CPA6: variants seen among roughly 807,000 people sequenced by gnomAD.
CPA6 encodes carboxypeptidase B.
CPA6 carries 58 observed loss-of-function variants against 63.3 expected under a neutral mutation model. That is an observed-to-expected ratio of 0.92 (90% CI 0.74 to 1.14). The LOEUF (loss-of-function observed/expected upper bound fraction) is 1.14. Ranked by LOEUF, CPA6 falls within the 50% of genes most tolerant of loss-of-function variation. The pLI is 0.00. For missense variants in CPA6, 565 were observed against 526.6 expected, an observed-to-expected ratio of 1.07 and a Z score of -0.71; for synonymous variants, 185 against 179.0, an observed-to-expected ratio of 1.03 and a Z score of -0.27.
At chr8:67,603,769 A>G (rs1814555192) in intron 2 of CPA6, among the ~76,000 whole-genome samples, 1 of 152,170 alleles carries the variant, frequency 6.6e-6, no homozygotes, top group Non-Finnish European at 1.5e-5. Context: ...GTGCTAGGTT[A>G]TTTCTAAAAC....
chr8:67,518,109 A>C, intron 2 of CPA6, 62 bp from the exon 3 acceptor site: 2 of 1,441,216 alleles, frequency 1.4e-6, no homozygotes, highest in Non-Finnish European at 1.8e-6. Context: ...TCTGTGTCAC[A>C]ATGTCAAACA....
chr8:67,661,437 T>C (rs950018112), intron 1 of CPA6, among the ~76,000 whole-genome samples: 2 of 152,030 alleles, frequency 1.3e-5, no homozygotes, highest in African/African-American at 4.8e-5. Flanking sequence ...GTGATCTGAG[T>C]GGAACAAAGG....
chr8:67,612,713 T>C (rs1460789612), intron 2 of CPA6, among the ~76,000 whole-genome samples: 1 of 152,212 alleles, frequency 6.6e-6, no homozygotes, highest in East Asian at 1.9e-4. Context: ...ACAGGAAACT[T>C]CTTTAATCAA....
chr8:67,526,089 G>A (rs36069899), intron 2 of CPA6, among the ~76,000 whole-genome samples: 26,646 of 152,094 alleles, frequency 0.18, 2,567 homozygotes, highest in Middle Eastern at 0.28. Context: ...CATGGGAAAC[G>A]ACAGGCAATC....
At chr8:67,620,653 C>T (rs539473960) in intron 2 of CPA6, among the ~76,000 whole-genome samples, 2 of 152,322 alleles carry the variant, frequency 1.3e-5, no homozygotes, top group African/African-American at 4.8e-5. Context: ...GCCAGAATTG[C>T]TGCTTTCCAT....
At chr8:67,681,431 G>A (rs1353117095) in intron 1 of CPA6, among the ~76,000 whole-genome samples, 2 of 150,908 alleles carry the variant, frequency 1.3e-5, no homozygotes, top group African/African-American at 4.9e-5. Context: ...GGATGGTCTC[G>A]ATCTCCTGAC....
intron 1 of CPA6, among the ~76,000 whole-genome samples, chr8:67,695,563 A>G (rs955440717): frequency 1.3e-5 from 2 of 152,226 alleles, no homozygotes; most frequent in Non-Finnish European, 2.9e-5. Flanking sequence ...GATATTCTAC[A>G]CAGCATTACT....
At chr8:67,620,511 T>G (rs2128986410) in intron 2 of CPA6, among the ~76,000 whole-genome samples, 1 of 152,306 alleles carries the variant, frequency 6.6e-6, no homozygotes, top group South Asian at 2.1e-4. Flanking sequence ...CCTTCTTCCC[T>G]TCTAGAGGCA....
chr8:67,476,397 G>A (rs1248236508), intron 8 of CPA6, among the ~76,000 whole-genome samples: 1 of 152,112 alleles, frequency 6.6e-6, no homozygotes, highest in African/African-American at 2.4e-5. Flanking sequence ...AGGTCTTCCT[G>A]GAGAATTCAT....
In CPA6 at chr8:67,536,275, A is replaced by C. The variant is rs146591186; in HGVS notation, c.193-18228T>G. ...GATGGGAATAGCATTGAATCTATAC[A>C]TTACTTCTGGAAGTATGGCTATTTT... is the stretch of plus-strand genomic sequence containing the variant. On this transcript the variant is annotated intron_variant, in intron 2 of 10. Transcript: ENST00000297770. Among the ~76,000 whole-genome samples the C allele has an allele frequency of 2.2e-3, 331 of 152,262 alleles. 1 individual carries two copies. Among genetic ancestry groups the C allele is most frequent in the African/African-American group, 7.8e-3 (325 of 41,554 alleles).
chr8:67,453,599 T>C (rs1810604865), intron 8 of CPA6, among the ~76,000 whole-genome samples: 1 of 152,092 alleles, frequency 6.6e-6, no homozygotes, highest in African/African-American at 2.4e-5. Context: ...TGAATGTAGA[T>C]AGAGAAGAGA....
chr8:67,607,473 T>G (rs1286794357), intron 2 of CPA6, among the ~76,000 whole-genome samples: 1 of 151,896 alleles, frequency 6.6e-6, no homozygotes, highest in Non-Finnish European at 1.5e-5. Context: ...TAGTCTTTTT[T>G]TGTGTGTGTT....
In CPA6 at chr8:67,528,774, A is replaced by G. The variant is rs573363402; in HGVS notation, c.193-10727T>C. ...TATTTTTGATCCACTGTCCAATAAA[A>G]CCACCGCCACTTGTTCATCCCACTT... On this transcript the variant is annotated intron_variant, in intron 2 of 10. Transcript: ENST00000297770. 2.0e-5 allele frequency among the ~76,000 whole-genome samples: 3 copies of G among 151,962 alleles called. No homozygotes were observed. The East Asian group carries it at 5.9e-4, about 30-fold the overall frequency.
rs577671948 is a variant in CPA6 at position 67,551,107 on chromosome 8, G to T, written c.193-33060C>A. Among the ~76,000 whole-genome samples the T allele has an allele frequency of 1.6e-4, 24 of 152,072 alleles. No individual in the cohort carries two copies. The South Asian group carries it at 5.0e-3, about 32-fold the overall frequency. ...GGCTTAGTCACAACTTCTTTCCTAA[G>T]GCTAATGTCTAGAATGGTGTTTCCT... On this transcript the variant is annotated intron_variant, in intron 2 of 10. Transcript: ENST00000297770.
chr8:67,667,429 T>C (rs1208623691), intron 1 of CPA6, among the ~76,000 whole-genome samples: 2 of 152,010 alleles, frequency 1.3e-5, no homozygotes, highest in Non-Finnish European at 1.5e-5. Context: ...GGCCTGGATG[T>C]CCTAACTCTC....
chr8:67,527,505 C>A (rs1213296157), intron 2 of CPA6, among the ~76,000 whole-genome samples: 1 of 152,154 alleles, frequency 6.6e-6, no homozygotes, highest in Non-Finnish European at 1.5e-5. Flanking sequence ...CCTTAATTTT[C>A]TTAATTACAA....
intron 1 of CPA6, among the ~76,000 whole-genome samples, chr8:67,729,501 TGAA>T (rs1817666126): frequency 6.6e-6 from 1 of 152,142 alleles, no homozygotes; most frequent in African/African-American, 2.4e-5. Flanking sequence ...AGATCGGACT[TGAA>T]GAATAAGATG....
chr8:67,510,244 T>C (rs1456109468), intron 4 of CPA6, among the ~76,000 whole-genome samples: 1 of 152,192 alleles, frequency 6.6e-6, no homozygotes, highest in South Asian at 2.1e-4. Context: ...GGTACTTCAT[T>C]CCTGACTTAA....
chr8:67,584,959 G>C (rs1204697319), intron 2 of CPA6, among the ~76,000 whole-genome samples: 1 of 151,950 alleles, frequency 6.6e-6, no homozygotes, highest in Non-Finnish European at 1.5e-5. Context: ...TAGCAAGAAG[G>C]ATGATTCCTA....
Sources: allele counts gnomAD v4.1 joint callset (sites outside exome capture counted in the v4.1 genomes callset), GRCh38; gene constraint gnomAD v4.1.1; transcripts MANE v1.5; gene names NCBI Gene and HGNC (gene_info 2026-07-23, HGNC 2026-07-21).